Variants in TMCC1 observed in about 807,000 individuals in gnomAD.
TMCC1 encodes transmembrane and coiled-coil domains protein 1.
In TMCC1, 15 loss-of-function variants were observed where a neutral mutation model predicts 52.4. The observed-to-expected ratio is 0.29, with a 90% CI of 0.19 to 0.44. The LOEUF is 0.44. TMCC1 is among the 20% of genes least tolerant of loss of function. The pLI is 1.00. For synonymous variants in TMCC1, 279 were observed against 301.9 expected (o/e 0.92, Z 0.79); for missense variants, 503 against 806.0 (o/e 0.62, Z 4.55).
intron 4 of TMCC1, among the ~76,000 whole-genome samples, chr3:129,691,326 A>C (rs1427870593): frequency 6.6e-6 from 1 of 152,214 alleles, no homozygotes; most frequent in Non-Finnish European, 1.5e-5. Flanking sequence ...AGGTGGGCAG[A>C]TCACTTGAAG....
At chr3:129,817,042 A>G (rs1019566762) in intron 4 of TMCC1, among the ~76,000 whole-genome samples, 2 of 152,052 alleles carry the variant, frequency 1.3e-5, no homozygotes, top group Admixed American at 6.6e-5. Context: ...GAAAAAAGAA[A>G]AAGACAAGAC....
intron 1 of TMCC1, among the ~76,000 whole-genome samples, chr3:129,883,059 T>C (rs1290198045): frequency 6.6e-6 from 1 of 151,490 alleles, no homozygotes; most frequent in Non-Finnish European, 1.5e-5. Flanking sequence ...GAGGCCAAAG[T>C]GGGCAGATCA....
chr3:129,793,054 C>T (rs1012407865), intron 4 of TMCC1, among the ~76,000 whole-genome samples: 1 of 152,044 alleles, frequency 6.6e-6, no homozygotes, highest in Non-Finnish European at 1.5e-5. Context: ...CTGATATCTA[C>T]CCATCTGCTT....
At chr3:129,674,474 T>C (rs1238406391) in intron 4 of TMCC1, among the ~76,000 whole-genome samples, 1 of 152,052 alleles carries the variant, frequency 6.6e-6, no homozygotes, top group East Asian at 1.9e-4. Flanking sequence ...AACAATTTTT[T>C]TAAAGGAGGG....
intron 1 of TMCC1, among the ~76,000 whole-genome samples, chr3:129,891,031 G>C (rs1047763182): frequency 2.0e-5 from 3 of 152,242 alleles, no homozygotes; most frequent in Admixed American, 2.0e-4. Flanking sequence ...GACATGTTAT[G>C]TGGGGAAGTT....
chr3:129,748,680 T>A (rs902358430), intron 4 of TMCC1, among the ~76,000 whole-genome samples: 2 of 152,084 alleles, frequency 1.3e-5, no homozygotes, highest in Non-Finnish European at 2.9e-5. Flanking sequence ...AGCTACTACA[T>A]ACCCAAGATC....
At chr3:129,652,260 G>A (rs1035448229) in intron 6 of TMCC1, among the ~76,000 whole-genome samples, 3 of 152,108 alleles carry the variant, frequency 2.0e-5, no homozygotes, top group Non-Finnish European at 4.4e-5. Flanking sequence ...TATGTGTCAA[G>A]GAAAATATAC....
At chr3:129,660,113 A>C (rs1269354932) in intron 5 of TMCC1, among the ~76,000 whole-genome samples, 1 of 152,122 alleles carries the variant, frequency 6.6e-6, no homozygotes, top group Non-Finnish European at 1.5e-5. Context: ...TCCACTGTTC[A>C]CTGATTCCCA....
intron 4 of TMCC1, among the ~76,000 whole-genome samples, chr3:129,755,929 C>G (rs1215212793): frequency 1.3e-5 from 2 of 152,100 alleles, no homozygotes; most frequent in Non-Finnish European, 2.9e-5. Context: ...GAAACCCTGT[C>G]TCTCCTAAAA....
At chr3:129,780,311 A>G (rs2055416132) in intron 4 of TMCC1, among the ~76,000 whole-genome samples, 1 of 152,118 alleles carries the variant, frequency 6.6e-6, no homozygotes, top group South Asian at 2.1e-4. Context: ...TAAAGTGAAC[A>G]GGTTAGATGA....
intron 4 of TMCC1, among the ~76,000 whole-genome samples, chr3:129,792,199 T>TACACAC (rs2056520467): frequency 6.7e-6 from 1 of 150,282 alleles, no homozygotes; most frequent in Non-Finnish European, 1.5e-5. Context: ...CATATATATA[T>TACACAC]ATACACATAT....
intron 2 of TMCC1, among the ~76,000 whole-genome samples, chr3:129,845,408 C>A (rs190263886): frequency 6.6e-6 from 1 of 152,144 alleles, no homozygotes; most frequent in East Asian, 1.9e-4. Context: ...TACAGACATT[C>A]CCAACTACCC....
chr3:129,738,319 C>CG (rs1196503115), intron 4 of TMCC1, among the ~76,000 whole-genome samples: 2 of 150,394 alleles, frequency 1.3e-5, no homozygotes, highest in Non-Finnish European at 3.0e-5. Context: ...AGAGAGCTTT[C>CG]AATTTTCACT....
At chr3:129,725,115 A>ATT (rs1018574231) in intron 4 of TMCC1, among the ~76,000 whole-genome samples, 85 of 152,208 alleles carry the variant, frequency 5.6e-4, no homozygotes, top group African/African-American at 2.0e-3. Flanking sequence ...ATACAATTTC[A>ATT]TTTTCTTTTT....
At chr3:129,863,515 G>C (rs1303538370) in intron 2 of TMCC1, among the ~76,000 whole-genome samples, 1 of 152,022 alleles carries the variant, frequency 6.6e-6, no homozygotes, top group Non-Finnish European at 1.5e-5. Flanking sequence ...AGGGGAAAAG[G>C]GCAGAATAAA....
intron 4 of TMCC1, among the ~76,000 whole-genome samples, chr3:129,799,109 A>G (rs1042607300): frequency 2.0e-5 from 3 of 152,218 alleles, no homozygotes; most frequent in Non-Finnish European, 4.4e-5. Context: ...TTTGAGTACC[A>G]TATACAATAC....
intron 4 of TMCC1, among the ~76,000 whole-genome samples, chr3:129,784,594 G>T (rs1041802761): frequency 5.3e-5 from 8 of 150,196 alleles, no homozygotes; most frequent in Admixed American, 5.3e-4. Flanking sequence ...AAAATATATA[G>T]TATGTAAGAT....
intron 1 of TMCC1, chr3:129,892,581 G>A (rs1348332908): frequency 1.3e-5 from 2 of 151,858 alleles, no homozygotes; most frequent in Non-Finnish European, 2.9e-5. Context: ...ACCTTTCGTA[G>A]AGATGCTTAT....
chr3:129,792,980 C>T (rs924468784), intron 4 of TMCC1, among the ~76,000 whole-genome samples: 11 of 152,170 alleles, frequency 7.2e-5, no homozygotes, highest in African/African-American at 2.4e-4. Flanking sequence ...TAGTTACCTT[C>T]TAATTAGAAA....
Sources: allele counts gnomAD v4.1 joint callset (sites outside exome capture counted in the v4.1 genomes callset), GRCh38; gene constraint gnomAD v4.1.1; transcripts MANE v1.5; gene names NCBI Gene and HGNC (gene_info 2026-07-23, HGNC 2026-07-21).